SMC1B: variants seen among roughly 807,000 people sequenced by gnomAD.
SMC1B encodes the protein structural maintenance of chromosomes 1B, also known as structural maintenance of chromosomes protein 1B.
In SMC1B, 60 loss-of-function variants were observed where a neutral mutation model predicts 157.9. That is an observed-to-expected ratio of 0.38 (90% CI 0.31 to 0.47). The LOEUF (loss-of-function observed/expected upper bound fraction) is 0.47. Ranked by LOEUF, SMC1B falls within the 20% of genes least tolerant of loss-of-function variation. The pLI is 0.99. For missense variants in SMC1B, 1,165 were observed against 1,426.2 expected (o/e 0.82, Z 2.95); for synonymous variants, 445 against 483.0 (o/e 0.92, Z 1.03).
In SMC1B at chr22:45,396,459, G is replaced by T. The variant is rs1353398286; in HGVS notation, c.1141C>A (p.Gln381Lys). Residue 381 changes from glutamine to lysine, a missense_variant, in exon 7 of 25, where the codon CAA becomes AAA. Transcript: ENST00000357450. The part of the protein sequence containing the change: ...QLDRYKELKE[Q>K]VRKKVATMTQ... The stretch of plus-strand genomic sequence containing the variant: ...ATTGTAGCTACTTTCTTTCTTACTT[G>T]TTCCTTAAGTTCTTTATAACGATCC... 8 of 1,612,316 alleles carry T rather than the reference G, an allele frequency of 5.0e-6. No individual in the cohort carries two copies. Among genetic ancestry groups the T allele is most frequent in the Non-Finnish European group, 6.8e-6 (8 of 1,179,418 alleles).
intron 10 of SMC1B, among the ~76,000 whole-genome samples, chr22:45,388,189 A>G (rs1428544981): frequency 1.3e-5 from 2 of 152,212 alleles, no homozygotes; most frequent in East Asian, 3.8e-4. Flanking sequence ...GTATGATCTC[A>G]CTTTTTAATA....
chr22:45,395,918 T>C (rs576904199), intron 7 of SMC1B, among the ~76,000 whole-genome samples: 1 of 152,210 alleles, frequency 6.6e-6, no homozygotes, highest in East Asian at 1.9e-4. Context: ...GGAGCTGGGA[T>C]ATAAAGAAAA....
At chr22:45,388,365 C>T (rs1220016093) in intron 10 of SMC1B, among the ~76,000 whole-genome samples, 2 of 151,988 alleles carry the variant, frequency 1.3e-5, no homozygotes, top group Admixed American at 6.6e-5. Flanking sequence ...AGGAGTATCC[C>T]CTTTATATTT....
At chr22:45,350,097 C>T (rs2086596488) in intron 22 of SMC1B, among the ~76,000 whole-genome samples, 1 of 152,106 alleles carries the variant, frequency 6.6e-6, no homozygotes, top group Non-Finnish European at 1.5e-5. Context: ...GAGAACTCTT[C>T]ATCTCTCCAA....
intron 6 of SMC1B, among the ~76,000 whole-genome samples, chr22:45,398,581 G>A (rs573918790): frequency 1.3e-4 from 20 of 152,316 alleles, no homozygotes; most frequent in Admixed American, 4.6e-4. Flanking sequence ...TGTAATCCCC[G>A]TACTTTGGGA....
chr22:45,354,209 T>C (rs2086647569), intron 20 of SMC1B, 77 bp from the exon 21 acceptor site: 2 of 1,190,534 alleles, frequency 1.7e-6, no homozygotes, highest in Non-Finnish European at 1.1e-6. Flanking sequence ...GCATAAAATA[T>C]TTTTAAAATT....
chr22:45,395,191 T>G (rs943334446), intron 7 of SMC1B, among the ~76,000 whole-genome samples: 13 of 152,192 alleles, frequency 8.5e-5, no homozygotes, highest in Admixed American at 5.9e-4. Context: ...AACTAATGTC[T>G]GGTAGGAGAG....
intron 1 of SMC1B, among the ~76,000 whole-genome samples, chr22:45,409,839 A>G (rs992581407): frequency 6.6e-6 from 1 of 152,222 alleles, no homozygotes; most frequent in African/African-American, 2.4e-5. Context: ...CTGTACAAAC[A>G]ATATGATTTA....
intron 23 of SMC1B, among the ~76,000 whole-genome samples, chr22:45,347,074 G>C (rs1395871003): frequency 6.6e-6 from 1 of 152,152 alleles, no homozygotes; most frequent in East Asian, 1.9e-4. Context: ...ACAGAATGTG[G>C]GATATAAAGT....
intron 20 of SMC1B, among the ~76,000 whole-genome samples, chr22:45,354,734 AT>A (rs2086653566): frequency 6.6e-6 from 1 of 152,190 alleles, no homozygotes; most frequent in African/African-American, 2.4e-5. Flanking sequence ...TATTAAAAAA[AT>A]ACATGTGTTT....
intron 12 of SMC1B, among the ~76,000 whole-genome samples, chr22:45,381,564 C>T (rs545671504): frequency 2.1e-4 from 32 of 152,306 alleles, no homozygotes; most frequent in Admixed American, 3.3e-4. Flanking sequence ...CTTACCCAAG[C>T]ACTTTTCACA....
chr22:45,372,046 G>GA, intron 13 of SMC1B, 109 bp downstream of exon 13: 1 of 990,410 alleles, frequency 1.0e-6, no homozygotes. Flanking sequence ...CTCTGTCTCA[G>GA]GAAAAAAAAA....
rs1246499119 is a variant in SMC1B at position 45,355,074 on chromosome 22, G to A, written c.3003C>T (p.Leu1001=). The change falls in exon 20 of 25, where the codon CTC becomes CTT. Residue 1001 remains leucine, a synonymous_variant. Coordinates refer to ENST00000357450, the MANE Select transcript of SMC1B (RefSeq NM_148674.5). ...SDQEIEAHLR[L]LLQQVASQED... ...CCTGGGATGCTACTTGCTGCAATAA[G>A]AGCCTAAGGTGGGCCTCGATTTCTT... The A allele has an allele frequency of 5.6e-6, 9 of 1,614,050 alleles. No homozygotes were observed. The highest frequency in any genetic ancestry group is 1.6e-4 in the Middle Eastern group (1 of 6,084).
intron 1 of SMC1B, 128 bp downstream of exon 1, chr22:45,413,331 G>T (rs1045362946): frequency 2.0e-5 from 14 of 689,500 alleles, no homozygotes; most frequent in African/African-American, 1.7e-4. Flanking sequence ...TCGCGGTCAG[G>T]CTCCGGGACT....
intron 10 of SMC1B, among the ~76,000 whole-genome samples, chr22:45,387,508 A>G (rs1444250705): frequency 6.6e-6 from 1 of 152,192 alleles, no homozygotes; most frequent in African/African-American, 2.4e-5. Context: ...ATTGATAAGA[A>G]CATGATGAAC....
At chr22:45,380,595 C>T (rs1189720257) in intron 12 of SMC1B, among the ~76,000 whole-genome samples, 1 of 152,078 alleles carries the variant, frequency 6.6e-6, no homozygotes, top group East Asian at 1.9e-4. Context: ...TGCTTTCCTT[C>T]AATTCATCTA....
intron 15 of SMC1B, 84 bp from the exon 16 acceptor site, chr22:45,363,110 ATAAAAG>A (rs1360446566): frequency 9.9e-7 from 1 of 1,009,330 alleles, no homozygotes; most frequent in Admixed American, 3.3e-5. Flanking sequence ...TCAAACAAAT[ATAAAAG>A]TAAAAGGAAT....
intron 4 of SMC1B, among the ~76,000 whole-genome samples, chr22:45,403,459 T>C (rs1176580040): frequency 6.6e-6 from 1 of 151,922 alleles, no homozygotes; most frequent in Non-Finnish European, 1.5e-5. Context: ...CCTGTTTGTT[T>C]GTTTGTTTGT....
rs367753850 is a variant in SMC1B, at chr22:45,370,052, G to A, written c.2322C>T (p.Asp774=). ...CTTCACAGAAGTGTTGGAAGATATC[G>A]TCTTCTACCTTTTAAATTATTTTAA... The part of the protein sequence containing the change: ...EFQEKIDKVE[D]DIFQHFCEEI... The change falls in exon 15 of 25, where the codon GAC becomes GAT. Residue 774 remains aspartate (D), a synonymous_variant. Transcript: ENST00000357450. 3.7e-5 allele frequency: 56 copies of A among 1,525,774 alleles called. 1 individual carries two copies. Among genetic ancestry groups the A allele is most frequent in the Middle Eastern group, 1.7e-4 (1 of 5,778 alleles). The allele number at this position is 1,525,774 out of a possible 1,614,324, so 94.5% of individuals were successfully genotyped here.
Sources: allele counts gnomAD v4.1 joint callset (sites outside exome capture counted in the v4.1 genomes callset), GRCh38; gene constraint gnomAD v4.1.1; transcripts MANE v1.5; gene names NCBI Gene and HGNC (gene_info 2026-07-23, HGNC 2026-07-21).